The following LPP variants were observed in gnomAD, a reference collection of about 807,000 sequenced individuals.
LPP encodes the protein LIM domain containing preferred translocation partner in lipoma, also known as lipoma-preferred partner.
Under a neutral mutation model 60.4 loss-of-function variants are expected in LPP, and 38 were observed. That is an observed-to-expected ratio of 0.63 (90% CI 0.49 to 0.83). The LOEUF is 0.83. LPP is among the 40% of genes least tolerant of loss of function. LPP has a pLI of 0.00. For synonymous variants in LPP, 328 were observed against 290.8 expected, an observed-to-expected ratio of 1.13 and a Z score of -1.30; for missense variants, 902 against 783.6, an observed-to-expected ratio of 1.15 and a Z score of -1.80.
intron 2 of LPP, among the ~76,000 whole-genome samples, chr3:188,300,049 A>C (rs895590276): frequency 6.6e-6 from 1 of 152,226 alleles, no homozygotes; most frequent in African/African-American, 2.4e-5. Flanking sequence ...TCAATTATGA[A>C]AGTTACATAG....
chr3:188,269,643 T>TTTG (rs67333120), intron 2 of LPP, among the ~76,000 whole-genome samples: 4 of 134,376 alleles, frequency 3.0e-5, no homozygotes. Context: ...GCCTTTTTTT[T>TTTG]TATGTGTGTG....
At chr3:188,802,157 C>T (rs770909255) in intron 9 of LPP, among the ~76,000 whole-genome samples, 3 of 152,014 alleles carry the variant, frequency 2.0e-5, no homozygotes, top group Non-Finnish European at 2.9e-5. Context: ...AAATGGTCAA[C>T]GTAGTAGTCT....
At chr3:188,548,313 G>T (rs759811678) in intron 6 of LPP, among the ~76,000 whole-genome samples, 1 of 152,134 alleles carries the variant, frequency 6.6e-6, no homozygotes. Context: ...TCTCCTCACC[G>T]TCTGATTAAA....
At chr3:188,317,292 G>A (rs924392921) in intron 2 of LPP, among the ~76,000 whole-genome samples, 2 of 151,268 alleles carry the variant, frequency 1.3e-5, no homozygotes, top group African/African-American at 4.9e-5. Context: ...TTCAGGTATA[G>A]ATTAAAGGTT....
chr3:188,497,084 G>T (rs555892187), intron 5 of LPP, among the ~76,000 whole-genome samples: 37 of 151,416 alleles, frequency 2.4e-4, no homozygotes, highest in South Asian at 4.2e-4. Flanking sequence ...AAGTTTTGTG[G>T]TTTTTTTTGA....
intron 4 of LPP, among the ~76,000 whole-genome samples, chr3:188,454,452 CTGAA>C (rs1316887793): frequency 2.6e-5 from 4 of 152,104 alleles, no homozygotes; most frequent in African/African-American, 9.7e-5. Context: ...TTGAGATAAA[CTGAA>C]TGCTAAATCT....
At chr3:188,616,830 C>T (rs954233692) in intron 7 of LPP, among the ~76,000 whole-genome samples, 5 of 152,086 alleles carry the variant, frequency 3.3e-5, no homozygotes, top group African/African-American at 4.8e-5. Flanking sequence ...TCCTTAAGCA[C>T]TTCAAATATT....
At chr3:188,546,769 T>C (rs1826768567) in intron 6 of LPP, among the ~76,000 whole-genome samples, 1 of 152,218 alleles carries the variant, frequency 6.6e-6, no homozygotes. Flanking sequence ...CATATTGGGA[T>C]GTTTGTCAGA....
At chr3:188,404,995 A>G (rs1024180291) in intron 3 of LPP, among the ~76,000 whole-genome samples, 2 of 152,148 alleles carry the variant, frequency 1.3e-5, no homozygotes, top group African/African-American at 4.8e-5. Context: ...TATTATATGC[A>G]ATCTGATCAG....
chr3:188,216,916 G>A (rs1276810965), intron 1 of LPP, among the ~76,000 whole-genome samples: 1 of 152,180 alleles, frequency 6.6e-6, no homozygotes, highest in African/African-American at 2.4e-5. Context: ...CAATCTGTCA[G>A]GCTTCTTCCA....
At position 188,317,874 on chromosome 3, in the gene LPP, G is replaced by A. The variant is rs1488714526; in HGVS notation, c.-66-23789G>A. Among the ~76,000 whole-genome samples the A allele has an allele frequency of 3.9e-5, 6 of 152,172 alleles. No individual in the cohort carries two copies. In the South Asian group the frequency reaches 1.2e-3, roughly 32 times the overall value. On this transcript the variant is annotated intron_variant, in intron 2 of 11. Transcript: ENST00000617246. ...TTGAAAGTCTCAATGGAGAAGAGGT[G>A]GGAGAAGAATAGGAGGCTAGAGTGA...
intron 2 of LPP, among the ~76,000 whole-genome samples, chr3:188,237,724 A>G (rs939639313): frequency 4.4e-5 from 4 of 90,660 alleles, no homozygotes; most frequent in African/African-American, 1.8e-4. Flanking sequence ...TCTGTAAACC[A>G]TGCTGGAAAC....
chr3:188,743,507 T>A (rs1725145906), intron 8 of LPP: 1 of 152,056 alleles, frequency 6.6e-6, no homozygotes, highest in Admixed American at 6.6e-5. Context: ...TAAACTCCAG[T>A]CTGTGTGTGT....
intron 6 of LPP, among the ~76,000 whole-genome samples, chr3:188,602,150 TATAA>T: frequency 7.9e-6 from 1 of 127,204 alleles, no homozygotes; most frequent in African/African-American, 2.8e-5. Context: ...CTCATATATA[TATAA>T]TATATATATA....
At chr3:188,582,012 C>T (rs1184316352) in intron 6 of LPP, among the ~76,000 whole-genome samples, 16 of 151,992 alleles carry the variant, frequency 1.1e-4, no homozygotes, top group African/African-American at 3.9e-4. Flanking sequence ...CACAGTCAGG[C>T]CATCTTGCCA....
At chr3:188,592,546 G>GTTTTTTTTTTTTTTT (rs1553936323) in intron 6 of LPP, among the ~76,000 whole-genome samples, 47 of 98,432 alleles carry the variant, frequency 4.8e-4, no homozygotes, top group African/African-American at 1.5e-3. Flanking sequence ...ACTGTTTTTA[G>GTTTTTTTTTTTTTTT]TTTTGTTTTT....
chr3:188,415,230 G>A (rs1785886436), intron 4 of LPP, among the ~76,000 whole-genome samples: 1 of 152,050 alleles, frequency 6.6e-6, no homozygotes, highest in African/African-American at 2.4e-5. Context: ...TAAACAGAGA[G>A]CCACAAAGAG....
chr3:188,537,381 A>G (rs1823920401), intron 6 of LPP, among the ~76,000 whole-genome samples: 1 of 152,224 alleles, frequency 6.6e-6, no homozygotes, highest in Non-Finnish European at 1.5e-5. Context: ...AGTTATGTAA[A>G]AAGGGGCTGA....
intron 4 of LPP, among the ~76,000 whole-genome samples, chr3:188,445,120 A>T (rs1794913467): frequency 6.6e-6 from 1 of 152,218 alleles, no homozygotes; most frequent in African/African-American, 2.4e-5. Flanking sequence ...CATTTGACCC[A>T]ACAATCCCAT....
Sources: gnomAD v4.1 joint callset for allele counts (sites outside exome capture counted in the v4.1 genomes callset) on GRCh38, gnomAD v4.1.1 for gene constraint, MANE v1.5 for transcripts, NCBI Gene and HGNC (gene_info 2026-07-23, HGNC 2026-07-21) for gene names.